Variants in ESF1 observed in about 807,000 individuals in gnomAD.
The protein encoded by ESF1 is ESF1 homolog.
In ESF1, 58 loss-of-function variants were observed where a neutral mutation model predicts 92.0. The ratio of observed to expected loss-of-function variants is 0.63; its 90% CI spans 0.51 to 0.78. ESF1 has a LOEUF of 0.78. Among genes scored for constraint, ESF1 ranks in the 30% least tolerant of loss-of-function variants. ESF1 has a pLI of 0.00. For missense variants in ESF1, 922 were observed against 989.1 expected, an observed-to-expected ratio of 0.93 and a Z score of 0.91; for synonymous variants, 321 against 313.7, an observed-to-expected ratio of 1.02 and a Z score of -0.24.
Position 13,776,093 on chromosome 20 carries a change from C to T in ESF1, c.815G>A (p.Ser272Asn), listed in dbSNP as rs149707720. Residue 272 changes from serine to asparagine, a missense_variant, in exon 3 of 14, where the codon AGT becomes AAT. By Grantham distance (46) the Ser-to-Asn change is conservative. Transcript: ENST00000617257. ...TTCATCCTCCTCTTCATCATCTTCA[C>T]TTCCATCGTCATCACCTGAAGCTCT... ...VGRASGDDDGSEDDEEEDEDE... is the reference protein window; with the variant it reads ...VGRASGDDDGNEDDEEEDEDE... 1.9e-6 allele frequency: 3 copies of T among 1,613,910 alleles called. No homozygotes were observed. The highest frequency in any genetic ancestry group is 1.1e-5 in the South Asian group (1 of 91,076).
chr20:13,768,897 C>CAAAAAAA (rs574502122), intron 7 of ESF1, among the ~76,000 whole-genome samples: 4 of 59,142 alleles, frequency 6.8e-5, no homozygotes, highest in Admixed American at 2.1e-4. Flanking sequence ...ACTCTAGTCT[C>CAAAAAAA]AAAAAAAAAA....
intron 9 of ESF1, among the ~76,000 whole-genome samples, chr20:13,756,717 T>C (rs982814413): frequency 6.6e-6 from 1 of 151,916 alleles, no homozygotes; most frequent in Non-Finnish European, 1.5e-5. Flanking sequence ...ACATGTAGAG[T>C]TGCTGTGTGA....
At position 13,715,034 on chromosome 20, in the gene ESF1, C is replaced by T. The variant is rs371665082; in HGVS notation, c.2396G>A (p.Arg799Gln). The T allele has an allele frequency of 1.2e-5, 20 of 1,613,742 alleles. No individual in the cohort carries two copies. The African/African-American group carries it at 1.5e-4, about 12-fold the overall frequency. Residue 799 changes from arginine to glutamine, a missense_variant, in exon 14 of 14, where the codon CGG becomes CAG. Physicochemically the swap from Arg to Gln is conservative, Grantham distance 43 (BLOSUM62 1). Coordinates refer to ENST00000617257, the MANE Select transcript of ESF1 (RefSeq NM_001276380.2). ...ILEEKARQRE[R>Q]KEQELTQAIK... ...TGCCTGAGTAAGTTCTTGTTCTTTC[C>T]GTTCTCTTTGCCGGGCCTTCTCCTC...
intron 9 of ESF1, among the ~76,000 whole-genome samples, chr20:13,749,244 TTTTTTTTTTTTTTTG>T (rs1978503972): frequency 7.7e-6 from 1 of 130,428 alleles, no homozygotes; most frequent in African/African-American, 3.3e-5. Context: ...TTTTTTTTTT[TTTTTTTTTTTTTTTG>T]TATTTTTGTA....
At chr20:13,731,205 T>G (rs753214763) in intron 10 of ESF1, among the ~76,000 whole-genome samples, 11 of 152,140 alleles carry the variant, frequency 7.2e-5, no homozygotes, top group African/African-American at 1.2e-4. Flanking sequence ...ATTGACCCCA[T>G]GAGGGCCCAC....
intron 9 of ESF1, among the ~76,000 whole-genome samples, chr20:13,741,629 T>C (rs1568715353): frequency 6.6e-6 from 1 of 152,162 alleles, no homozygotes; most frequent in South Asian, 2.1e-4. Flanking sequence ...CCCTACCTCA[T>C]ATTAAAAAAA....
chr20:13,784,801 T>C (rs1253594640), intron 1 of ESF1, 79 bp downstream of exon 1: 3 of 529,916 alleles, frequency 5.7e-6, no homozygotes, highest in Admixed American at 3.3e-5. Context: ...TAGAGACTAG[T>C]TTTTTCCCCG....
At position 13,771,400 on chromosome 20, in the gene ESF1, GTT is replaced by G; in HGVS notation, c.1332_1333del (p.Glu444AspfsTer3). On this transcript the variant is annotated frameshift_variant, in exon 6 of 14. Coordinates refer to ENST00000617257, the MANE Select transcript of ESF1 (RefSeq NM_001276380.2). LOFTEE classifies it high-confidence loss of function. ...ACAATCCTCATAAATTTTACTAGCT[GTT>G]TCCGGAGAATCACAGTCTACTACTG... 1 of 1,612,986 alleles carries G rather than the reference GTT, an allele frequency of 6.2e-7. No homozygotes were observed. Among genetic ancestry groups the G allele is most frequent in the South Asian group, 1.1e-5 (1 of 91,046 alleles).
At chr20:13,728,023 A>C (rs114875301) in intron 11 of ESF1, among the ~76,000 whole-genome samples, 1 of 152,250 alleles carries the variant, frequency 6.6e-6, no homozygotes, top group African/African-American at 2.4e-5. Flanking sequence ...CGCTATTAAA[A>C]ATCAGTGAAA....
At position 13,728,456 on chromosome 20, in the gene ESF1, C is replaced by T. The variant is rs758855542; in HGVS notation, c.1960G>A (p.Glu654Lys). The change falls in exon 11 of 14, where the codon GAA (glutamate) becomes AAA (lysine). Residue 654 changes from glutamate (E) to lysine (K), a missense_variant. Physicochemically the swap from Glu to Lys is moderately conservative, Grantham distance 56. Coordinates refer to ENST00000617257, the MANE Select transcript of ESF1 (RefSeq NM_001276380.2). ...RLKRKQKALAEEASEEELPSD... is the reference protein window; with the variant it reads ...RLKRKQKALAKEASEEELPSD... ...GGAAGTTCCTCTTCACTGGCCTCTT[C>T]AGCAAGAGCCTTAAAAGTTGAATAT... 4 of 1,607,748 alleles carry T rather than the reference C, an allele frequency of 2.5e-6. No homozygotes were observed. Among genetic ancestry groups the T allele is most frequent in the Non-Finnish European group, 3.4e-6 (4 of 1,177,006 alleles).
At chr20:13,746,346 T>C (rs2050048525) in intron 9 of ESF1, among the ~76,000 whole-genome samples, 1 of 152,172 alleles carries the variant, frequency 6.6e-6, no homozygotes, top group South Asian at 2.1e-4. Flanking sequence ...ATCTATGACT[T>C]TTTCCCCACA....
At chr20:13,776,723 T>C (rs1194265550) in intron 2 of ESF1, among the ~76,000 whole-genome samples, 1 of 152,176 alleles carries the variant, frequency 6.6e-6, no homozygotes, top group Non-Finnish European at 1.5e-5. Flanking sequence ...AGAAAGAATG[T>C]TTTCTAAGGG....
At chr20:13,725,649 C>T (rs1895812367) in intron 11 of ESF1, among the ~76,000 whole-genome samples, 1 of 152,200 alleles carries the variant, frequency 6.6e-6, no homozygotes, top group Admixed American at 6.5e-5. Flanking sequence ...TCCAGTATGA[C>T]AGATTAACAG....
At chr20:13,719,073 C>T (rs1475210293) in intron 11 of ESF1, 89 bp from the exon 12 acceptor site, 4 of 801,860 alleles carry the variant, frequency 5.0e-6, no homozygotes, top group Non-Finnish European at 7.4e-6. Context: ...TATAAGATAT[C>T]TAGGAATAAT....
chr20:13,733,878 C>G (rs372407819), intron 9 of ESF1, 36 bp from the exon 10 acceptor site: 7 of 1,566,438 alleles, frequency 4.5e-6, no homozygotes, highest in Middle Eastern at 1.7e-4. Context: ...CTTAAAATGT[C>G]TTATTGTCTG....
At chr20:13,782,176 C>T (rs908918597) in intron 2 of ESF1, among the ~76,000 whole-genome samples, 4 of 152,158 alleles carry the variant, frequency 2.6e-5, no homozygotes, top group African/African-American at 9.7e-5. Context: ...CCATGTCCGG[C>T]CTACTTACCC....
chr20:13,763,545 T>C (rs539605843), intron 8 of ESF1, among the ~76,000 whole-genome samples: 2 of 152,142 alleles, frequency 1.3e-5, no homozygotes, highest in East Asian at 3.8e-4. Context: ...AGAAACACTA[T>C]CCAGAATTTT....
In ESF1 at chr20:13,775,945, A is replaced by G; in HGVS notation, c.963T>C (p.Asp321=). Reference sequence around the variant, plus strand: ...CAAAACCAGATTCTTCTGGAAACAAATCTGCCGTATCATCTTCATCTTCAG... The same window carrying G: ...CAAAACCAGATTCTTCTGGAAACAAGTCTGCCGTATCATCTTCATCTTCAG... ...TSSEDEDDTA[D]LFPEESGFEH... Residue 321 remains aspartate (D), a synonymous_variant, in exon 3 of 14, where the codon GAT becomes GAC. Coordinates refer to ENST00000617257, the MANE Select transcript of ESF1 (RefSeq NM_001276380.2). 6.2e-7 allele frequency: 1 copy of G among 1,613,810 alleles called. No homozygotes were observed. The highest frequency in any genetic ancestry group is 8.5e-7 in the Non-Finnish European group (1 of 1,179,876).
intron 2 of ESF1, among the ~76,000 whole-genome samples, chr20:13,780,744 G>C (rs994448303): frequency 6.6e-6 from 1 of 152,098 alleles, no homozygotes; most frequent in Non-Finnish European, 1.5e-5. Flanking sequence ...AACTACTACT[G>C]GTTTTCAGTT....
Sources: gnomAD v4.1 joint callset for allele counts (sites outside exome capture counted in the v4.1 genomes callset) on GRCh38, gnomAD v4.1.1 for gene constraint, MANE v1.5 for transcripts, NCBI Gene and HGNC (gene_info 2026-07-23, HGNC 2026-07-21) for gene names.